APBA1: variants seen among roughly 807,000 people sequenced by gnomAD.
APBA1 encodes the protein amyloid-beta A4 precursor protein-binding family A member 1.
Under a neutral mutation model 86.6 loss-of-function variants are expected in APBA1, and 55 were observed. The observed-to-expected ratio is 0.64, with a 90% confidence interval of 0.51 to 0.80. The LOEUF is 0.80. Among genes scored for constraint, APBA1 ranks in the 30% least tolerant of loss-of-function variants. The pLI is 0.00. For missense variants in APBA1, 1,090 were observed against 1,183.0 expected (o/e 0.92, Z 1.15); for synonymous variants, 511 against 493.9 (o/e 1.03, Z -0.46).
chr9:69,447,378 G>A (rs1834927917), intron 10 of APBA1, among the ~76,000 whole-genome samples: 1 of 152,090 alleles, frequency 6.6e-6, no homozygotes, highest in African/African-American at 2.4e-5. Flanking sequence ...TCTTGCATCT[G>A]AACTCCTATG....
intron 1 of APBA1, among the ~76,000 whole-genome samples, chr9:69,659,531 C>T (rs185871131): frequency 8.5e-4 from 129 of 152,294 alleles, no homozygotes; most frequent in African/African-American, 2.9e-3. Context: ...ATCACCCCAT[C>T]GCCTCTGCAT....
intron 2 of APBA1, among the ~76,000 whole-genome samples, chr9:69,498,829 T>C (rs558313921): frequency 1.1e-3 from 175 of 152,286 alleles, no homozygotes; most frequent in African/African-American, 4.1e-3. Context: ...TTCCTTTATG[T>C]AGCTAGTGTT....
At chr9:69,616,673 G>C (rs113786142) in intron 1 of APBA1, among the ~76,000 whole-genome samples, 2,444 of 152,148 alleles carry the variant, frequency 0.016, 65 homozygotes, top group African/African-American at 0.055. Context: ...AACCTCCCTT[G>C]TTGCTCAAAT....
intron 1 of APBA1, among the ~76,000 whole-genome samples, chr9:69,570,324 C>T (rs1837096066): frequency 6.6e-6 from 1 of 152,124 alleles, no homozygotes. Flanking sequence ...ATTGCAGAGG[C>T]CAGCTGCCCA....
chr9:69,614,087 T>A (rs913189691), intron 1 of APBA1, among the ~76,000 whole-genome samples: 1 of 152,210 alleles, frequency 6.6e-6, no homozygotes, highest in Non-Finnish European at 1.5e-5. Context: ...GTTTGTTTGC[T>A]TTTTACATCC....
At chr9:69,492,726 G>T (rs1588318009) in intron 2 of APBA1, among the ~76,000 whole-genome samples, 1 of 152,100 alleles carries the variant, frequency 6.6e-6, no homozygotes, top group South Asian at 2.1e-4. Context: ...GCATACGTAT[G>T]CCTCTACTGT....
chr9:69,481,525 C>G (rs531091217), intron 2 of APBA1, among the ~76,000 whole-genome samples: 4 of 151,702 alleles, frequency 2.6e-5, no homozygotes, highest in Admixed American at 1.3e-4. Context: ...GAATCAATAT[C>G]GTGAAAATGG....
intron 1 of APBA1, among the ~76,000 whole-genome samples, chr9:69,574,083 G>A (rs1489125216): frequency 6.6e-6 from 1 of 152,038 alleles, no homozygotes; most frequent in Non-Finnish European, 1.5e-5. Context: ...ACATATTTAT[G>A]TATCTTCAGA....
intron 1 of APBA1, among the ~76,000 whole-genome samples, chr9:69,574,621 T>G (rs1554702849): frequency 6.6e-6 from 1 of 152,196 alleles, no homozygotes; most frequent in Non-Finnish European, 1.5e-5. Context: ...TTGTAGTTGG[T>G]GTGCTGGTTT....
intron 9 of APBA1, among the ~76,000 whole-genome samples, chr9:69,451,894 C>G (rs1835015872): frequency 6.6e-6 from 1 of 152,160 alleles, no homozygotes; most frequent in Non-Finnish European, 1.5e-5. Flanking sequence ...TCAGGATGAC[C>G]AGGAGCAGAG....
At chr9:69,533,852 T>C (rs1836468657) in intron 1 of APBA1, among the ~76,000 whole-genome samples, 1 of 151,520 alleles carries the variant, frequency 6.6e-6, no homozygotes, top group South Asian at 2.1e-4. Flanking sequence ...AACCAAGGAG[T>C]GGAGTGATTG....
intron 10 of APBA1, among the ~76,000 whole-genome samples, chr9:69,446,568 T>C (rs1834912002): frequency 6.6e-6 from 1 of 152,236 alleles, no homozygotes; most frequent in South Asian, 2.1e-4. Flanking sequence ...CCGTCTGTAC[T>C]CCAGCAAGCT....
At chr9:69,611,457 A>C (rs1276562837) in intron 1 of APBA1, among the ~76,000 whole-genome samples, 1 of 152,190 alleles carries the variant, frequency 6.6e-6, no homozygotes, top group Non-Finnish European at 1.5e-5. Flanking sequence ...GTCCTAGCTA[A>C]AACACAAATA....
At chr9:69,511,152 C>A (rs933468369) in intron 2 of APBA1, among the ~76,000 whole-genome samples, 27 of 151,974 alleles carry the variant, frequency 1.8e-4, no homozygotes, top group South Asian at 8.4e-4. Context: ...AAAATGGGAG[C>A]AAATTTTCGC....
intron 1 of APBA1, among the ~76,000 whole-genome samples, chr9:69,649,728 C>T (rs1489772857): frequency 1.3e-5 from 2 of 152,110 alleles, no homozygotes; most frequent in Non-Finnish European, 2.9e-5. Flanking sequence ...AGGCCCAACT[C>T]GGACAGCATC....
intron 1 of APBA1, among the ~76,000 whole-genome samples, chr9:69,670,169 A>T (rs1823920039): frequency 6.6e-6 from 1 of 152,202 alleles, no homozygotes; most frequent in African/African-American, 2.4e-5. Context: ...AACATGGGGA[A>T]ATTTACTTTA....
chr9:69,463,464 A>AT (rs2133823251), intron 5 of APBA1: 1 of 152,326 alleles, frequency 6.6e-6, no homozygotes, highest in African/African-American at 2.4e-5. Context: ...GAAAACAGTA[A>AT]TTTTCAAAAC....
At chr9:69,458,619 T>C (rs1227626489) in intron 5 of APBA1, among the ~76,000 whole-genome samples, 2 of 152,304 alleles carry the variant, frequency 1.3e-5, no homozygotes, top group Middle Eastern at 3.4e-3. Context: ...TATTCTGATA[T>C]GCAAAGCTAT....
chr9:69,459,670 T>C (rs1199031425), intron 5 of APBA1, among the ~76,000 whole-genome samples: 1 of 152,242 alleles, frequency 6.6e-6, no homozygotes, highest in Non-Finnish European at 1.5e-5. Context: ...TGGGGCTGGA[T>C]TGTCTAAAAC....
Sources: gnomAD v4.1 joint callset for allele counts (sites outside exome capture counted in the v4.1 genomes callset) on GRCh38, gnomAD v4.1.1 for gene constraint, MANE v1.5 for transcripts, NCBI Gene and HGNC (gene_info 2026-07-23, HGNC 2026-07-21) for gene names.